Variants in PCDHGB1 observed in about 807,000 individuals in gnomAD.
PCDHGB1 encodes protocadherin gamma subfamily B, 1, also known as protocadherin gamma-B1.
PCDHGB1 carries 34 observed loss-of-function variants against 56.6 expected under a neutral mutation model. The ratio of observed to expected loss-of-function variants is 0.60; its 90% confidence interval spans 0.46 to 0.80. PCDHGB1 has a LOEUF of 0.80. Ranked by LOEUF, PCDHGB1 falls within the 30% of genes least tolerant of loss-of-function variation. The pLI is 0.00. For missense variants in PCDHGB1, 1,278 were observed against 1,204.6 expected (o/e 1.06, Z -0.90); for synonymous variants, 561 against 505.9 (o/e 1.11, Z -1.46).
At chr5:141,421,017 T>TGC (rs1489188484) in intron 1 of PCDHGB1, 1 of 518,776 alleles carries the variant, frequency 1.9e-6, no homozygotes, top group African/African-American at 2.0e-5. Flanking sequence ...AATGGGAAGC[T>TGC]GCGCGCCATT....
At chr5:141,419,521 C>A (rs1418329404) in intron 1 of PCDHGB1, 1 of 1,612,240 alleles carries the variant, frequency 6.2e-7, no homozygotes, top group Non-Finnish European at 8.5e-7. Context: ...TGGTGGGCGA[C>A]CGTAACGACA....
In PCDHGB1 at chr5:141,415,516, G is replaced by T. The variant is rs199990575; in HGVS notation, c.2409+62847G>T. The T allele has an allele frequency of 1.9e-6, 3 of 1,614,220 alleles. No individual in the cohort carries two copies. In the African/African-American group the frequency reaches 4.0e-5, roughly 22 times the overall value. ...GATCTTCCCCCAGCCCAATTATGCG[G>T]ACACGCTCATCAGCCAGGAGAGCTG... On this transcript the variant is annotated intron_variant, in intron 1 of 3. Coordinates refer to ENST00000523390, the MANE Select transcript of PCDHGB1 (RefSeq NM_018922.3).
In PCDHGB1 at chr5:141,491,419, G is replaced by A. The variant is rs1422517367; in HGVS notation, c.2410-3388G>A. On this transcript the variant is annotated intron_variant, in intron 1 of 3. Coordinates refer to ENST00000523390, the MANE Select transcript of PCDHGB1 (RefSeq NM_018922.3). This position sits in a 1 kb window ranked among gnomAD's most constrained non-coding sequence, Gnocchi z 6.9. ...GGGAAACGCAGACGGGGACGGGGGT[G>A]GAGGGCAGTGCTGCAGGCGCCAGGA... 1 of 1,614,124 alleles carries A rather than the reference G, an allele frequency of 6.2e-7. No individual in the cohort carries two copies.
At chr5:141,421,461 G>C (rs1216014695) in intron 1 of PCDHGB1, 2 of 1,614,034 alleles carry the variant, frequency 1.2e-6, no homozygotes, top group Non-Finnish European at 8.5e-7. Context: ...TTTTCGCTGT[G>C]AATCCGCGAA....
chr5:141,370,882 G>T, intron 1 of PCDHGB1: 1 of 1,614,012 alleles, frequency 6.2e-7, no homozygotes, highest in Non-Finnish European at 8.5e-7. Context: ...CCTGATGTAG[G>T]TGTCAATTCG....
intron 1 of PCDHGB1, among the ~76,000 whole-genome samples, chr5:141,454,796 A>ATTTTTTTTTTTTTTTTTTTTTT (rs61612330): frequency 5.2e-5 from 4 of 77,456 alleles, no homozygotes; most frequent in Non-Finnish European, 7.0e-5. Context: ...CATGGTTCTA[A>ATTTTTTTTTTTTTTTTTTTTTT]TTTTTTTTTT....
intron 1 of PCDHGB1, among the ~76,000 whole-genome samples, chr5:141,456,691 G>A (rs564429451): frequency 3.3e-5 from 5 of 152,234 alleles, no homozygotes; most frequent in South Asian, 4.1e-4. Flanking sequence ...CTGGCCAGGC[G>A]TGGTGGCTCG....
chr5:141,400,923 T>C (rs1453975530), intron 1 of PCDHGB1, among the ~76,000 whole-genome samples: 1 of 152,260 alleles, frequency 6.6e-6, no homozygotes, highest in Admixed American at 6.5e-5. Flanking sequence ...AAGAAACTGC[T>C]AGTAGATGTC....
At chr5:141,421,781 G>A (rs1482347889) in intron 1 of PCDHGB1, 1 of 1,613,856 alleles carries the variant, frequency 6.2e-7, no homozygotes, top group Non-Finnish European at 8.5e-7. Context: ...CAACTGCGGG[G>A]CAGAACGGAT....
At chr5:141,403,444 G>A (rs2094408321) in intron 1 of PCDHGB1, 1 of 1,613,906 alleles carries the variant, frequency 6.2e-7, no homozygotes, top group African/African-American at 1.3e-5. Flanking sequence ...ATGTTGGCGT[G>A]AACTCCCTCC....
At chr5:141,391,203 T>C (rs77020243) in intron 1 of PCDHGB1, 3 of 152,214 alleles carry the variant, frequency 2.0e-5, no homozygotes, top group Non-Finnish European at 4.4e-5. Flanking sequence ...ATATACAAAA[T>C]ACCAAGGAAC....
intron 1 of PCDHGB1, chr5:141,355,123 G>A (rs1759719890): frequency 6.6e-7 from 1 of 1,515,214 alleles, no homozygotes; most frequent in African/African-American, 1.4e-5. Flanking sequence ...CTTTATTTTG[G>A]ACCCAGAAGA....
At chr5:141,399,454 G>A in intron 1 of PCDHGB1, 1 of 1,613,992 alleles carries the variant, frequency 6.2e-7, no homozygotes. Flanking sequence ...AGACGTCAAC[G>A]ATAACGCTCC....
chr5:141,414,067 C>G (rs998058224), intron 1 of PCDHGB1: 1 of 1,607,570 alleles, frequency 6.2e-7, no homozygotes, highest in Non-Finnish European at 8.5e-7. Flanking sequence ...GAAGTTCCAA[C>G]TAAACAAATA....
chr5:141,357,196 G>A (rs1458493906), intron 1 of PCDHGB1: 3 of 1,613,782 alleles, frequency 1.9e-6, no homozygotes, highest in Admixed American at 3.3e-5. Context: ...GGCTGTGGCC[G>A]ACAGCATCCC....
At chr5:141,393,267 T>C in intron 1 of PCDHGB1, 1 of 1,613,944 alleles carries the variant, frequency 6.2e-7, no homozygotes, top group Non-Finnish European at 8.5e-7. Flanking sequence ...TGGAGCACGT[T>C]ATCCACTCCC....
intron 1 of PCDHGB1, among the ~76,000 whole-genome samples, chr5:141,488,802 A>G (rs910422824): frequency 2.0e-5 from 3 of 152,294 alleles, no homozygotes; most frequent in Middle Eastern, 3.4e-3. Flanking sequence ...CCTGTTGAGT[A>G]CCATCTGAGC....
At chr5:141,368,154 C>CTGTAT (rs1765511938) in intron 1 of PCDHGB1, among the ~76,000 whole-genome samples, 3 of 152,024 alleles carry the variant, frequency 2.0e-5, no homozygotes, top group Admixed American at 6.6e-5. Flanking sequence ...CTTTTAAAAC[C>CTGTAT]TTGAGCATCA....
At chr5:141,499,212 G>A (rs904920940) in intron 2 of PCDHGB1, among the ~76,000 whole-genome samples, 1 of 151,898 alleles carries the variant, frequency 6.6e-6, no homozygotes, top group African/African-American at 2.4e-5. Context: ...TGTAACCCAG[G>A]CCCTGCCCTG....
Sources: allele counts gnomAD v4.1 joint callset (sites outside exome capture counted in the v4.1 genomes callset), GRCh38; gene constraint gnomAD v4.1.1; non-coding constraint Gnocchi (gnomAD v3.1); transcripts MANE v1.5; gene names NCBI Gene and HGNC (gene_info 2026-07-23, HGNC 2026-07-21).